ASH1L: variants seen among roughly 807,000 people sequenced by gnomAD.
ASH1L encodes ASH1 like histone lysine methyltransferase.
A neutral mutation model predicts 269.0 loss-of-function variants in ASH1L; 23 were observed. The ratio of observed to expected loss-of-function variants is 0.09; its 90% CI spans 0.06 to 0.12. The LOEUF is 0.12. Among genes scored for constraint, ASH1L ranks in the 10% least tolerant of loss-of-function variants. The pLI is 1.00. For missense variants in ASH1L, 2,912 were observed against 3,567.8 expected (o/e 0.82, Z 4.68); for synonymous variants, 1,187 against 1,253.5 (o/e 0.95, Z 1.12).
intron 12 of ASH1L, among the ~76,000 whole-genome samples, chr1:155,362,227 G>A (rs996486972): frequency 1.3e-5 from 2 of 151,696 alleles, no homozygotes; most frequent in Non-Finnish European, 2.9e-5. Context: ...GTAGAGACAG[G>A]GTTTCATCAT....
rs1205821651 is a variant in ASH1L, at chr1:155,438,852, G to A, written c.5303C>T (p.Pro1768Leu). Reference sequence around the variant, plus strand: ...ATTGCAAGAGTCACTTGTGACTGCAGGCACTAAAAGGCTGTCTGGTTTTCC... The same window carrying A: ...ATTGCAAGAGTCACTTGTGACTGCAAGCACTAAAAGGCTGTCTGGTTTTCC... ...TLGKPDSLLV[P>L]AVTSDSCNNS... The change falls in exon 5 of 28, where the codon CCT becomes CTT. Residue 1768 changes from proline to leucine, a missense_variant. Pro to Leu is a moderately conservative substitution (Grantham distance 98). Around this residue, in one of 13 missense-constraint regions of ASH1L, gnomAD observed 789 missense variants for 897.6 expected, o/e 0.88. Coordinates refer to ENST00000392403, the MANE Select transcript of ASH1L (RefSeq NM_018489.3). 6.2e-7 allele frequency: 1 copy of A among 1,614,196 alleles called. No individual in the cohort carries two copies. The highest frequency in any genetic ancestry group is 1.7e-5 in the Admixed American group (1 of 60,018).
At chr1:155,349,215 G>T in intron 19 of ASH1L, 112 bp downstream of exon 19, 1 of 1,234,662 alleles carries the variant, frequency 8.1e-7, no homozygotes, top group Non-Finnish European at 1.1e-6. Flanking sequence ...AAAAATGACT[G>T]GCTTTTCCAA....
chr1:155,346,236 C>T (rs2148331749), intron 21 of ASH1L, 147 bp downstream of exon 21: 1 of 1,552,980 alleles, frequency 6.4e-7, no homozygotes, highest in Admixed American at 1.9e-5. Flanking sequence ...GAATTATGAC[C>T]CTTAATGTAA....
chr1:155,381,621 C>T (rs369360671), intron 7 of ASH1L, among the ~76,000 whole-genome samples: 2 of 152,104 alleles, frequency 1.3e-5, no homozygotes, highest in East Asian at 3.9e-4. Flanking sequence ...CCTGTAATCC[C>T]AACAACACTT....
Position 155,370,923 on chromosome 1 carries a change from C to T in ASH1L, c.6393G>A (p.Gln2131=). Residue 2131 remains glutamine (Q), a synonymous_variant, in exon 11 of 28, where the codon CAG becomes CAA. Transcript: ENST00000392403. ...GCACCCATTCATGCCTCTGTATCCT[C>T]TGGTTACAGCATTGCTCGCCACATG... ...TCPCGEQCCN[Q]RIQRHEWVQC... The T allele has an allele frequency of 6.2e-7, 1 of 1,614,148 alleles. No individual in the cohort carries two copies. The highest frequency in any genetic ancestry group is 1.3e-5 in the African/African-American group (1 of 75,036).
At chr1:155,372,073 A>T (rs1656001538) in intron 10 of ASH1L, among the ~76,000 whole-genome samples, 1 of 152,080 alleles carries the variant, frequency 6.6e-6, no homozygotes, top group South Asian at 2.1e-4. Context: ...GCATGATCTC[A>T]GCTCACTGCA....
At position 155,397,132 on chromosome 1, in the gene ASH1L, G is replaced by GAA. The variant is rs1286164962; in HGVS notation, c.6009-1581_6009-1580dup. Among the ~76,000 whole-genome samples, 56 of 74,334 alleles carry GAA rather than the reference G, an allele frequency of 7.5e-4. No individual in the cohort carries two copies. The Middle Eastern group carries it at 0.048, about 64-fold the overall frequency. The allele number at this position is 74,334 out of a possible 152,430, so 48.8% of individuals were successfully genotyped here. ...ACAGAGCCAGACTCTGTCAAAAAAAGAAAAAAAAAAAAAAAAAGCATGGTA... is the reference window on the plus strand; with the variant it reads ...ACAGAGCCAGACTCTGTCAAAAAAAGAAAAAAAAAAAAAAAAAAAGCATGGTA... On this transcript the variant is annotated intron_variant, in intron 6 of 27. Coordinates refer to ENST00000392403, the MANE Select transcript of ASH1L (RefSeq NM_018489.3).
At chr1:155,519,967 C>T (rs1668764044) in intron 2 of ASH1L, among the ~76,000 whole-genome samples, 1 of 151,950 alleles carries the variant, frequency 6.6e-6, no homozygotes, top group South Asian at 2.1e-4. Flanking sequence ...CAAGTACATT[C>T]GATATTACCA....
chr1:155,474,598 G>A (rs1423722469), intron 3 of ASH1L, among the ~76,000 whole-genome samples: 4 of 152,176 alleles, frequency 2.6e-5, no homozygotes, highest in Admixed American at 6.5e-5. Context: ...CTACTCAGGA[G>A]GCTGAGGCTG....
rs540785863 is a variant in ASH1L at position 155,441,685 on chromosome 1, C to G, written c.5087-2617G>C. Among the ~76,000 whole-genome samples the G allele has an allele frequency of 6.8e-4, 103 of 150,366 alleles. 1 individual carries two copies. The highest frequency in any genetic ancestry group is 2.4e-3 in the African/African-American group (100 of 40,928). ...GTTTCACCATGTTAGCCAGGATGGT[C>G]TTGATCTCCTGACCTCATGATCTGC... On this transcript the variant is annotated intron_variant, in intron 4 of 27. Coordinates refer to ENST00000392403, the MANE Select transcript of ASH1L (RefSeq NM_018489.3).
rs1300936772 is a variant in ASH1L, at chr1:155,433,957, G to T, written c.5828+4370C>A. On this transcript the variant is annotated intron_variant, in intron 5 of 27. Coordinates refer to ENST00000392403, the MANE Select transcript of ASH1L (RefSeq NM_018489.3). ...AGTGCCCGAAACCCACACTGCAGCA[G>T]ATCAGCCACATCGCCCAGCAGCTTG... The T allele has an allele frequency of 1.9e-6, 3 of 1,581,076 alleles. No individual in the cohort carries two copies. The South Asian group carries it at 3.5e-5, about 18-fold the overall frequency.
chr1:155,475,144 G>A (rs962485723), intron 3 of ASH1L, among the ~76,000 whole-genome samples: 2 of 151,860 alleles, frequency 1.3e-5, no homozygotes, highest in Non-Finnish European at 2.9e-5. Context: ...TCTTCACTGT[G>A]GCTTTTTTTT....
chr1:155,477,766 T>C (rs1429089052), intron 3 of ASH1L, 120 bp downstream of exon 3: 3 of 918,118 alleles, frequency 3.3e-6, no homozygotes, highest in South Asian at 3.5e-5. Flanking sequence ...GATTTCAAAA[T>C]ACACTTATTA....
intron 4 of ASH1L, among the ~76,000 whole-genome samples, chr1:155,447,922 T>A (rs1005270393): frequency 6.6e-6 from 1 of 152,240 alleles, no homozygotes; most frequent in African/African-American, 2.4e-5. Context: ...GTATTGCTCA[T>A]AAATTTTTGT....
chr1:155,356,622 G>A (rs1475808176), intron 15 of ASH1L, among the ~76,000 whole-genome samples: 2 of 144,826 alleles, frequency 1.4e-5, no homozygotes, highest in Non-Finnish European at 3.0e-5. Flanking sequence ...CAGCCTGGGC[G>A]ACACAGCGAG....
rs1360264748 is a variant in ASH1L at position 155,438,498 on chromosome 1, A to T, written c.5657T>A (p.Leu1886Gln). The T allele has an allele frequency of 6.2e-7, 1 of 1,613,324 alleles. No individual in the cohort carries two copies. Among genetic ancestry groups the T allele is most frequent in the Non-Finnish European group, 8.5e-7 (1 of 1,179,804 alleles). ...ELNRDEEGAA[L>Q]HLSPDTVTDV... ...TGTAACTGTGTCAGGACTGAGGTGC[A>T]GTGCTGCTCCTTCCTCGTCTCTGTT... The change falls in exon 5 of 28, where the codon CTG becomes CAG. Residue 1886 changes from leucine to glutamine, a missense_variant. Around this residue, in one of 13 missense-constraint regions of ASH1L, gnomAD observed 789 missense variants for 897.6 expected, o/e 0.88. Transcript: ENST00000392403.
chr1:155,505,388 A>G (rs1297594048), intron 2 of ASH1L, among the ~76,000 whole-genome samples: 1 of 152,182 alleles, frequency 6.6e-6, no homozygotes, highest in African/African-American at 2.4e-5. Flanking sequence ...TATTTCTATC[A>G]TGGCAGTTAT....
intron 5 of ASH1L, among the ~76,000 whole-genome samples, chr1:155,436,726 A>C (rs1168686720): frequency 6.8e-6 from 1 of 147,638 alleles, no homozygotes; most frequent in African/African-American, 2.5e-5. Flanking sequence ...TGAACTCCTG[A>C]CCTCGTGATC....
chr1:155,513,311 A>C (rs1298772989), intron 2 of ASH1L, among the ~76,000 whole-genome samples: 2 of 151,956 alleles, frequency 1.3e-5, no homozygotes, highest in Non-Finnish European at 2.9e-5. Flanking sequence ...CTCACATGTA[A>C]ATCCTAGCAC....
Sources: allele counts gnomAD v4.1 joint callset (sites outside exome capture counted in the v4.1 genomes callset), GRCh38; gene constraint gnomAD v4.1.1; regional missense constraint gnomAD v4.1.1; transcripts MANE v1.5; gene names NCBI Gene and HGNC (gene_info 2026-07-23, HGNC 2026-07-21).